Variants in PCDHA1 observed in about 807,000 individuals in gnomAD.
PCDHA1 encodes the protein protocadherin alpha-1.
A neutral mutation model predicts 61.3 loss-of-function variants in PCDHA1; 42 were observed. The ratio of observed to expected loss-of-function variants is 0.69; its 90% CI spans 0.54 to 0.89. PCDHA1 has a LOEUF of 0.89. Ranked by LOEUF, PCDHA1 falls within the 40% of genes least tolerant of loss-of-function variation. PCDHA1 has a pLI of 0.00. For synonymous variants in PCDHA1, 610 were observed against 553.8 expected (o/e 1.10, Z -1.43); for missense variants, 1,256 against 1,235.3 (o/e 1.02, Z -0.25).
intron 1 of PCDHA1, chr5:140,824,302 G>T: frequency 1.2e-6 from 1 of 834,910 alleles, no homozygotes; most frequent in East Asian, 2.5e-5. Flanking sequence ...TTCTGCTGGG[G>T]TAATAGATTC....
intron 1 of PCDHA1, chr5:140,857,029 A>G: frequency 1.3e-6 from 2 of 1,596,504 alleles, no homozygotes; most frequent in Non-Finnish European, 1.7e-6. Context: ...AGGGAAACCC[A>G]CCTATGGTTG....
At chr5:140,794,936 T>C in intron 1 of PCDHA1, 1 of 1,583,032 alleles carries the variant, frequency 6.3e-7, no homozygotes, top group Non-Finnish European at 8.6e-7. Context: ...CATGCTCTTC[T>C]AATTTGATCA....
At chr5:140,795,376 A>T (rs1554119405) in intron 1 of PCDHA1, 1 of 1,614,146 alleles carries the variant, frequency 6.2e-7, no homozygotes, top group East Asian at 2.2e-5. Flanking sequence ...AATGACAGTA[A>T]AGACTATCCG....
At chr5:140,969,464 C>T in intron 1 of PCDHA1, 2 of 1,491,562 alleles carry the variant, frequency 1.3e-6, no homozygotes, top group South Asian at 2.7e-5. Context: ...ATATAGTATC[C>T]ACAATTTGAT....
At chr5:140,889,479 T>C (rs1399086830) in intron 1 of PCDHA1, among the ~76,000 whole-genome samples, 1 of 152,184 alleles carries the variant, frequency 6.6e-6, no homozygotes, top group Admixed American at 6.5e-5. Context: ...GCTCATACTT[T>C]CTACAGAATC....
At chr5:140,875,056 G>C (rs1554167464) in intron 1 of PCDHA1, among the ~76,000 whole-genome samples, 1 of 152,176 alleles carries the variant, frequency 6.6e-6, no homozygotes, top group Non-Finnish European at 1.5e-5. Context: ...CTTTGAAGCA[G>C]AAAACATTTT....
At chr5:140,921,850 G>C (rs2080436717) in intron 1 of PCDHA1, among the ~76,000 whole-genome samples, 1 of 151,984 alleles carries the variant, frequency 6.6e-6, no homozygotes, top group African/African-American at 2.4e-5. Context: ...ATTTATAGAT[G>C]TGTGTGTATA....
intron 1 of PCDHA1, among the ~76,000 whole-genome samples, chr5:140,792,533 C>T (rs1761716148): frequency 6.6e-6 from 1 of 152,146 alleles, no homozygotes. Context: ...AATGTACTTG[C>T]ATATCTGGCA....
chr5:140,963,221 T>C (rs2095749324), intron 1 of PCDHA1, among the ~76,000 whole-genome samples: 1 of 151,808 alleles, frequency 6.6e-6, no homozygotes, highest in Admixed American at 6.6e-5. Context: ...GTGTTTAGAG[T>C]AGACACTGTT....
At chr5:140,872,539 A>G (rs2053732284) in intron 1 of PCDHA1, among the ~76,000 whole-genome samples, 1 of 152,128 alleles carries the variant, frequency 6.6e-6, no homozygotes, top group Admixed American at 6.5e-5. Flanking sequence ...ACATGAGAGG[A>G]TCCCCTGAAC....
chr5:140,797,306 A>T lies in PCDHA1; in HGVS notation c.2394+8622A>T, dbSNP rs782364093. 1.5e-5 allele frequency: 25 copies of T among 1,614,022 alleles called. No homozygotes were observed. The Admixed American group carries it at 2.3e-4, about 15-fold the overall frequency. On this transcript the variant is annotated intron_variant, in intron 1 of 3. Transcript: ENST00000504120. ...AGCCCTAGCTTATCTCAAGGTCCAG[A>T]CTCCGCAGAAGAGAAACAGCTCTCA...
chr5:140,871,436 G>A, intron 1 of PCDHA1: 1 of 1,612,324 alleles, frequency 6.2e-7, no homozygotes, highest in East Asian at 2.2e-5. Context: ...CTTCCTCTAG[G>A]TCTGAATAAA....
chr5:141,007,275 T>C (rs1418814264), intron 3 of PCDHA1, among the ~76,000 whole-genome samples: 2 of 151,338 alleles, frequency 1.3e-5, no homozygotes, highest in Non-Finnish European at 2.9e-5. Context: ...ACAGGCTGGG[T>C]GCAGTGGGCT....
chr5:140,813,485 AC>A (rs1554126209), intron 1 of PCDHA1: 1 of 152,206 alleles, frequency 6.6e-6, no homozygotes, highest in Non-Finnish European at 1.5e-5. Context: ...ATATATCTAA[AC>A]ATCTAAAAGG....
intron 1 of PCDHA1, among the ~76,000 whole-genome samples, chr5:140,906,547 C>T (rs2072745421): frequency 6.6e-6 from 1 of 152,218 alleles, no homozygotes; most frequent in Non-Finnish European, 1.5e-5. Flanking sequence ...CTCATTTCTG[C>T]AACTGGTTGT....
intron 1 of PCDHA1, among the ~76,000 whole-genome samples, chr5:140,930,773 TA>T (rs1192170091): frequency 6.6e-6 from 1 of 152,226 alleles, no homozygotes; most frequent in East Asian, 1.9e-4. Flanking sequence ...CTGTACTTAA[TA>T]TTTTCACAAT....
At chr5:140,863,034 A>G (rs782534693) in intron 1 of PCDHA1, 1 of 557,696 alleles carries the variant, frequency 1.8e-6, no homozygotes, top group African/African-American at 1.9e-5. Context: ...CAACAGCTGC[A>G]TCTGTCAGCT....
intron 1 of PCDHA1, chr5:140,829,213 G>A (rs2150163973): frequency 6.2e-7 from 1 of 1,614,218 alleles, no homozygotes; most frequent in Non-Finnish European, 8.5e-7. Context: ...TAATTAGCGT[G>A]AACGACCTCG....
chr5:140,926,505 TC>T, intron 1 of PCDHA1: 1 of 190,688 alleles, frequency 5.2e-6, no homozygotes. Flanking sequence ...TCGGGGCGTC[TC>T]CCAGGCTCCG....
Sources: allele counts gnomAD v4.1 joint callset (sites outside exome capture counted in the v4.1 genomes callset), GRCh38; gene constraint gnomAD v4.1.1; transcripts MANE v1.5; gene names NCBI Gene and HGNC (gene_info 2026-07-23, HGNC 2026-07-21).